ZDHHC13: variants seen among roughly 807,000 people sequenced by gnomAD.
ZDHHC13 encodes the protein zDHHC palmitoyltransferase 13, also known as palmitoyltransferase ZDHHC13.
ZDHHC13 carries 85 observed loss-of-function variants against 86.0 expected under a neutral mutation model. That is an observed-to-expected ratio of 0.99 (90% CI 0.83 to 1.18). The LOEUF (loss-of-function observed/expected upper bound fraction) is 1.18. Among genes scored for constraint, ZDHHC13 ranks in the 50% most tolerant of loss-of-function variants. The pLI is 0.00. For missense variants in ZDHHC13, 711 were observed against 730.2 expected (o/e 0.97, Z 0.30); for synonymous variants, 263 against 246.4 (o/e 1.07, Z -0.63).
chr11:19,164,851 A>T (rs1850013662), intron 12 of ZDHHC13: 1 of 559,874 alleles, frequency 1.8e-6, no homozygotes, highest in African/African-American at 1.9e-5. Context: ...TGGAATTCAG[A>T]TCCCACTTAG....
intron 1 of ZDHHC13, among the ~76,000 whole-genome samples, chr11:19,140,246 G>C (rs1849274726): frequency 6.6e-6 from 1 of 151,970 alleles, no homozygotes; most frequent in Admixed American, 6.5e-5. Flanking sequence ...CCATCAAAAA[G>C]TGGGCAAAGG....
At chr11:19,142,329 C>T (rs891969443) in intron 1 of ZDHHC13, among the ~76,000 whole-genome samples, 2 of 152,150 alleles carry the variant, frequency 1.3e-5, no homozygotes, top group Non-Finnish European at 2.9e-5. Context: ...TTTTCAAGGC[C>T]AGCAGAAGAA....
At chr11:19,147,445 T>C in intron 3 of ZDHHC13, 151 bp from the exon 4 acceptor site, 2 of 636,536 alleles carry the variant, frequency 3.1e-6, no homozygotes, top group African/African-American at 1.8e-5. Flanking sequence ...TGTGAACCTT[T>C]CATATTTCTA....
intron 13 of ZDHHC13, 21 bp from the exon 14 acceptor site, chr11:19,166,281 T>C (rs780124674): frequency 1.9e-6 from 3 of 1,579,110 alleles, no homozygotes; most frequent in East Asian, 2.5e-5. Flanking sequence ...ATTAAGTATG[T>C]TTTTTTTCTT....
At chr11:19,170,356 C>T in intron 14 of ZDHHC13, 55 bp from the exon 15 acceptor site, 1 of 1,447,752 alleles carries the variant, frequency 6.9e-7, no homozygotes, top group Middle Eastern at 1.9e-4. Context: ...TTCTTGGAGA[C>T]TGATAAGTAG....
intron 1 of ZDHHC13, among the ~76,000 whole-genome samples, chr11:19,140,252 A>G (rs1257869123): frequency 5.9e-5 from 9 of 152,060 alleles, no homozygotes; most frequent in Admixed American, 2.0e-4. Context: ...AAAAGTGGGC[A>G]AAGGACATGA....
At chr11:19,164,504 C>T (rs1850002886) in intron 12 of ZDHHC13, 141 bp downstream of exon 12, 1 of 771,476 alleles carries the variant, frequency 1.3e-6, no homozygotes, top group Non-Finnish European at 2.1e-6. Flanking sequence ...CCTGTCTGAA[C>T]AGCTTTCTGT....
chr11:19,171,109 G>A (rs988825578), intron 15 of ZDHHC13, among the ~76,000 whole-genome samples: 1 of 152,148 alleles, frequency 6.6e-6, no homozygotes, highest in African/African-American at 2.4e-5. Context: ...GATGAGAGTG[G>A]TAAGAAATGA....
chr11:19,150,676 T>C, intron 5 of ZDHHC13, 51 bp from the exon 6 acceptor site: 1 of 1,493,060 alleles, frequency 6.7e-7, no homozygotes. Context: ...AGAGAACAAA[T>C]AGACTTTTGA....
chr11:19,155,119 C>A (rs572210207), intron 8 of ZDHHC13, among the ~76,000 whole-genome samples: 1 of 152,124 alleles, frequency 6.6e-6, no homozygotes, highest in African/African-American at 2.4e-5. Context: ...TTATAGTTCC[C>A]TCATTGAGTC....
chr11:19,170,662 G>T, intron 15 of ZDHHC13, 94 bp downstream of exon 15: 1 of 1,214,108 alleles, frequency 8.2e-7, no homozygotes, highest in African/African-American at 1.6e-5. Context: ...TGCACATTCT[G>T]TTTTTACCTC....
chr11:19,151,566 G>T (rs1312527886), intron 6 of ZDHHC13, among the ~76,000 whole-genome samples: 2 of 151,912 alleles, frequency 1.3e-5, no homozygotes, highest in Non-Finnish European at 2.9e-5. Flanking sequence ...TCTCTATAAA[G>T]ATATTGATAG....
rs568978040 is a variant in ZDHHC13 at position 19,145,457 on chromosome 11, G to A, written c.174-724G>A. On this transcript the variant is annotated intron_variant, in intron 2 of 16. Transcript: ENST00000446113. ...CTTTCCTCTTTAAAACCCTTTATTG[G>A]TTTCCCATTGAACTGTACATAAAGC... Among the ~76,000 whole-genome samples, 6 of 152,210 alleles carry A rather than the reference G, an allele frequency of 3.9e-5. No homozygotes were observed. In the East Asian group the frequency reaches 1.2e-3, roughly 29 times the overall value.
intron 1 of ZDHHC13, among the ~76,000 whole-genome samples, chr11:19,130,720 A>G (rs1180453545): frequency 6.6e-6 from 1 of 152,184 alleles, no homozygotes; most frequent in Non-Finnish European, 1.5e-5. Context: ...CTTAGGCTGC[A>G]TACTAAGCTC....
intron 9 of ZDHHC13, among the ~76,000 whole-genome samples, chr11:19,156,932 TG>T (rs1316013508): frequency 6.6e-6 from 1 of 152,264 alleles, no homozygotes; most frequent in African/African-American, 2.4e-5. Flanking sequence ...CCAGACTCCT[TG>T]CCTATGGGGT....
intron 16 of ZDHHC13, among the ~76,000 whole-genome samples, chr11:19,174,819 A>G (rs1378913920): frequency 6.6e-6 from 1 of 152,184 alleles, no homozygotes; most frequent in African/African-American, 2.4e-5. Context: ...CCACGCATCT[A>G]TGATCATGGG....
chr11:19,159,154 A>G, intron 10 of ZDHHC13, 114 bp downstream of exon 10: 1 of 659,022 alleles, frequency 1.5e-6, no homozygotes, highest in Admixed American at 3.1e-5. Context: ...TTATATTTGC[A>G]TTCATTTAAT....
chr11:19,132,467 C>T (rs932325143), intron 1 of ZDHHC13, among the ~76,000 whole-genome samples: 2 of 152,164 alleles, frequency 1.3e-5, no homozygotes, highest in Admixed American at 1.3e-4. Flanking sequence ...TACAAATCTC[C>T]ATTTTTTGCC....
Position 19,149,335 on chromosome 11 carries a change from T to C in ZDHHC13, c.519+4T>C, listed in dbSNP as rs1849551917. ...ATATCTCATCTCAAAGGGACAGGTA[T>C]GTTCTGAAATGTGTCTTATACTCCA... On this transcript the variant is annotated splice_donor_region_variant and intron_variant, in intron 5 of 16. Transcript: ENST00000446113. The C allele has an allele frequency of 1.3e-6, 2 of 1,574,458 alleles. No individual in the cohort carries two copies. The highest frequency in any genetic ancestry group is 1.7e-6 in the Non-Finnish European group (2 of 1,155,296).
Sources: allele counts gnomAD v4.1 joint callset (sites outside exome capture counted in the v4.1 genomes callset), GRCh38; gene constraint gnomAD v4.1.1; transcripts MANE v1.5; gene names NCBI Gene and HGNC (gene_info 2026-07-23, HGNC 2026-07-21).